Variants in CACNA1B observed in about 807,000 individuals in gnomAD.
CACNA1B encodes voltage-dependent N-type calcium channel subunit alpha-1B.
CACNA1B carries 70 observed loss-of-function variants against 247.2 expected under a neutral mutation model. The ratio of observed to expected loss-of-function variants is 0.28; its 90% CI spans 0.23 to 0.35. The LOEUF (loss-of-function observed/expected upper bound fraction) is 0.35. CACNA1B is among the 10% of genes least tolerant of loss of function. The pLI, the probability that CACNA1B is intolerant of heterozygous loss-of-function variation, is 1.00. For synonymous variants in CACNA1B, 1,231 were observed against 1,294.4 expected, an observed-to-expected ratio of 0.95 and a Z score of 1.05; for missense variants, 2,367 against 3,197.4, an observed-to-expected ratio of 0.74 and a Z score of 6.26.
rs537262919 is a variant in CACNA1B at position 138,002,773 on chromosome 9, C to CTCTTT, written c.1975-3977_1975-3973dup. ...GATCTTGGATGGAGAGAAATTTCTTCTCTTTTCTTTTCTTTTCTTTTTTCT... is the reference window on the plus strand; with the variant it reads ...GATCTTGGATGGAGAGAAATTTCTTCTCTTTTCTTTTCTTTTCTTTTCTTTTTTCT... On this transcript the variant is annotated intron_variant, in intron 15 of 46. Coordinates refer to ENST00000371372, the MANE Select transcript of CACNA1B (RefSeq NM_000718.4). Among the ~76,000 whole-genome samples, 206 of 151,656 alleles carry CTCTTT rather than the reference C, an allele frequency of 1.4e-3. 2 individuals carry two copies. The South Asian group carries it at 0.027, about 20-fold the overall frequency.
chr9:137,979,021 C>G (rs910300056), intron 12 of CACNA1B, among the ~76,000 whole-genome samples: 1 of 152,158 alleles, frequency 6.6e-6, no homozygotes, highest in Admixed American at 6.5e-5. Context: ...CCAAGGGAGC[C>G]GAAGAGATGG....
intron 10 of CACNA1B, among the ~76,000 whole-genome samples, chr9:137,966,752 A>C (rs1341954978): frequency 6.6e-6 from 1 of 151,828 alleles, no homozygotes; most frequent in East Asian, 1.9e-4. Flanking sequence ...GTTAGCCAGG[A>C]CAGTCTCGAT....
intron 10 of CACNA1B, among the ~76,000 whole-genome samples, chr9:137,970,106 T>C (rs1958128582): frequency 1.3e-5 from 2 of 152,008 alleles, no homozygotes; most frequent in Non-Finnish European, 2.9e-5. Flanking sequence ...CCCCTGCTCT[T>C]TTGTGCCACT....
In CACNA1B at chr9:138,120,297, C is replaced by T. The variant is rs768496399; in HGVS notation, c.6163C>T (p.Arg2055Cys). Residue 2055 changes from arginine (R) to cysteine (C), a missense_variant, in exon 45 of 47, where the codon CGC becomes TGC. Arg to Cys is a radical substitution (Grantham distance 180). This residue lies in a region of CACNA1B where 773 missense variants were observed against 779.4 expected (regional missense o/e 0.99). Transcript: ENST00000371372. ...SQASSHHHHH[R>C]CHRRRDRKQR... ...GGCGTCGTCGCACCACCACCACCAC[C>T]GCTGCCACCGCCGCAGGGACAGGAA... is the stretch of plus-strand genomic sequence containing the variant. 1.3e-5 allele frequency: 20 copies of T among 1,563,790 alleles called. No homozygotes were observed. The highest frequency in any genetic ancestry group is 1.8e-5 in the Admixed American group (1 of 54,736).
chr9:138,115,750 C>T (rs1283331713), intron 42 of CACNA1B, 71 bp downstream of exon 42: 2 of 1,477,212 alleles, frequency 1.4e-6, no homozygotes, highest in East Asian at 2.3e-5. Flanking sequence ...AAGCAGACAT[C>T]CCATTTCCTC....
At chr9:137,997,103 A>T (rs1293215946) in intron 15 of CACNA1B, among the ~76,000 whole-genome samples, 1 of 152,254 alleles carries the variant, frequency 6.6e-6, no homozygotes, top group Non-Finnish European at 1.5e-5. Context: ...AAAGCACTGG[A>T]ACTGTAGCAC....
rs1388756595 is a variant in CACNA1B, at chr9:137,971,472, A to G, written c.1423A>G (p.Ile475Val). The change falls in exon 11 of 47, where the codon ATC (isoleucine) becomes GTC (valine). Residue 475 changes from isoleucine to valine, a missense_variant. Transcript: ENST00000371372. This position sits in a 1 kb window ranked among gnomAD's most constrained non-coding sequence, Gnocchi z 4.4. ...GAAGGAGAAGATGTTCCGGTTTTTT[A>G]TCCGGCGCATGGTGAAGGCTCAGAG... ...RRKEKMFRFF[I>V]RRMVKAQSFY... 1.9e-6 allele frequency: 3 copies of G among 1,613,612 alleles called. No individual in the cohort carries two copies. The highest frequency in any genetic ancestry group is 1.7e-6 in the Non-Finnish European group (2 of 1,179,736).
chr9:138,122,894 A>C lies in CACNA1B; in HGVS notation c.*895A>C, dbSNP rs1181961436. The stretch of plus-strand genomic sequence containing the variant: ...GCGAGGCCTCGGGATCCATCACCGC[A>C]GGATGCTGTGAAAAGTACTCGCGAT... On this transcript the variant is annotated 3_prime_UTR_variant, in exon 47 of 47. Coordinates refer to ENST00000371372, the MANE Select transcript of CACNA1B (RefSeq NM_000718.4). 7 of 152,228 alleles carry C rather than the reference A, an allele frequency of 4.6e-5. No homozygotes were observed. Among genetic ancestry groups the C allele is most frequent in the Non-Finnish European group, 1.0e-4 (7 of 68,058 alleles). 9.4% of individuals were successfully genotyped at this position (152,228 alleles called of 1,614,324 possible).
At position 137,952,474 on chromosome 9, in the gene CACNA1B, C is replaced by T; in HGVS notation, c.1070+97C>T. On this transcript the variant is annotated intron_variant, in intron 7 of 46. Coordinates refer to ENST00000371372, the MANE Select transcript of CACNA1B (RefSeq NM_000718.4). This position sits in a 1 kb window ranked among gnomAD's most constrained non-coding sequence, Gnocchi z 4.8. ...TGACACTTGGGGTGGGGGCCTGGCC[C>T]ATGGGTGCCCTCTGTGGTGGTTGCC... 1 of 985,928 alleles carries T rather than the reference C, an allele frequency of 1.0e-6. No homozygotes were observed. Among genetic ancestry groups the T allele is most frequent in the Non-Finnish European group, 1.6e-6 (1 of 626,650 alleles). 61.1% of individuals were successfully genotyped at this position (985,928 alleles called of 1,614,324 possible). A position where few individuals can be genotyped will look rare whatever the true frequency, so the allele number is the denominator to read the frequency against.
Position 137,882,613 on chromosome 9 carries a change from A to G in CACNA1B, c.391-131A>G. The G allele has an allele frequency of 1.0e-6, 1 of 982,620 alleles. No homozygotes were observed. The highest frequency in any genetic ancestry group is 1.6e-5 in the South Asian group (1 of 62,952). 60.9% of individuals were successfully genotyped at this position (982,620 alleles called of 1,614,324 possible). ...GAGAATCTGCAGGGTGTTGGGGGCAAGGTGAGGAGGGTCAGACCCTCACGA... is the reference window on the plus strand; with the variant it reads ...GAGAATCTGCAGGGTGTTGGGGGCAGGGTGAGGAGGGTCAGACCCTCACGA... On this transcript the variant is annotated intron_variant, in intron 2 of 46. Coordinates refer to ENST00000371372, the MANE Select transcript of CACNA1B (RefSeq NM_000718.4). The surrounding 1 kb of genome is among the most constrained non-coding windows in gnomAD (Gnocchi z 4.0).
chr9:138,033,884 G>A (rs1261542316), intron 20 of CACNA1B, among the ~76,000 whole-genome samples: 1 of 152,176 alleles, frequency 6.6e-6, no homozygotes, highest in Non-Finnish European at 1.5e-5. Context: ...ATTACAATTT[G>A]AGGTGAGATT....
intron 37 of CACNA1B, chr9:138,101,239 G>A (rs913601851): frequency 5.9e-6 from 3 of 505,720 alleles, no homozygotes. Flanking sequence ...ATACTTCCCT[G>A]CCCGAAACGC....
intron 13 of CACNA1B, among the ~76,000 whole-genome samples, chr9:137,985,318 C>G (rs1958343950): frequency 6.6e-6 from 1 of 152,188 alleles, no homozygotes; most frequent in Non-Finnish European, 1.5e-5. Flanking sequence ...GCGCTCTGTG[C>G]TGTGTGTCCT....
In CACNA1B at chr9:137,957,890, C is replaced by T. The variant is rs1280272142; in HGVS notation, c.1333+203C>T. ...TTAGCCATATCCCAAGGCTGGAGGA[C>T]TCTATAGGGCCACCTCTCTCTTCAG... On this transcript the variant is annotated intron_variant, in intron 10 of 46. Coordinates refer to ENST00000371372, the MANE Select transcript of CACNA1B (RefSeq NM_000718.4). This position sits in a 1 kb window ranked among gnomAD's most constrained non-coding sequence, Gnocchi z 4.7. Among the ~76,000 whole-genome samples the T allele has an allele frequency of 2.0e-5, 3 of 152,214 alleles. No homozygotes were observed. Among genetic ancestry groups the T allele is most frequent in the African/African-American group, 7.2e-5 (3 of 41,456 alleles).
At position 138,058,649 on chromosome 9, in the gene CACNA1B, G is replaced by A; in HGVS notation, c.4389G>A (p.Lys1463=). The change falls in exon 29 of 47, where the codon AAG becomes AAA. Residue 1463 remains lysine, a synonymous_variant. Coordinates refer to ENST00000371372, the MANE Select transcript of CACNA1B (RefSeq NM_000718.4). The surrounding 1 kb of genome is among the most constrained non-coding windows in gnomAD (Gnocchi z 4.7). ...MPQNRQSFQY[K]TWTFVVSPPF... is the part of the protein sequence containing the mutation. ...AAAACCGGCAGTCGTTCCAGTATAA[G>A]ACGTGGACATTTGTGGTCTCCCCGC... The A allele has an allele frequency of 6.2e-7, 1 of 1,613,776 alleles. No individual in the cohort carries two copies. The highest frequency in any genetic ancestry group is 1.6e-4 in the Middle Eastern group (1 of 6,062).
chr9:137,941,363 A>G (rs1437249458), intron 6 of CACNA1B, among the ~76,000 whole-genome samples: 1 of 152,220 alleles, frequency 6.6e-6, no homozygotes, highest in South Asian at 2.1e-4. Flanking sequence ...AAACTTAGGA[A>G]TATACCTAAC....
At chr9:138,075,996 G>C (rs768497847) in intron 35 of CACNA1B, 86 bp downstream of exon 35, 1 of 866,912 alleles carries the variant, frequency 1.2e-6, no homozygotes, top group Admixed American at 2.0e-5. Flanking sequence ...GGTGTCAACC[G>C]TGGAGACCAC....
At chr9:137,959,276 T>A (rs1957984093) in intron 10 of CACNA1B, among the ~76,000 whole-genome samples, 1 of 152,176 alleles carries the variant, frequency 6.6e-6, no homozygotes, top group Admixed American at 6.5e-5. Context: ...TTTCACCGTG[T>A]TGGCCTGGCT....
Position 138,121,931 on chromosome 9 carries a change from C to G in CACNA1B, c.6952C>G (p.Leu2318Val). 6.2e-7 allele frequency: 1 copy of G among 1,609,426 alleles called. No individual in the cohort carries two copies. Among genetic ancestry groups the G allele is most frequent in the Non-Finnish European group, 8.5e-7 (1 of 1,179,856 alleles). The stretch of plus-strand genomic sequence containing the variant: ...CGTGCCCAACGGTTACCACTGCACC[C>G]TGGGACTCAGCTCGGGTGGCCGAGC... ...RRVPNGYHCT[L>V]GLSSGGRARH... Residue 2318 changes from leucine to valine, a missense_variant, in exon 47 of 47, where the codon CTG becomes GTG. Around this residue, in one of 12 missense-constraint regions of CACNA1B, gnomAD observed 773 missense variants for 779.4 expected, o/e 0.99. Transcript: ENST00000371372. The surrounding 1 kb of genome is among the most constrained non-coding windows in gnomAD (Gnocchi z 6.8).
Sources: allele counts gnomAD v4.1 joint callset (sites outside exome capture counted in the v4.1 genomes callset), GRCh38; gene constraint gnomAD v4.1.1; regional missense constraint gnomAD v4.1.1; non-coding constraint Gnocchi (gnomAD v3.1); transcripts MANE v1.5; gene names NCBI Gene and HGNC (gene_info 2026-07-23, HGNC 2026-07-21).